MEGF11: variants seen among roughly 807,000 people sequenced by gnomAD.
MEGF11 encodes the protein multiple epidermal growth factor-like domains protein 11.
Under a neutral mutation model 146.6 loss-of-function variants are expected in MEGF11, and 126 were observed. The ratio of observed to expected loss-of-function variants is 0.86; its 90% CI spans 0.74 to 1.00. The LOEUF (loss-of-function observed/expected upper bound fraction) is 1.00, where lower values mean the gene tolerates loss of function less well. Ranked by LOEUF, MEGF11 falls within the 50% of genes least tolerant of loss-of-function variation. The pLI is 0.00. For synonymous variants in MEGF11, 532 were observed against 583.4 expected (o/e 0.91, Z 1.27); for missense variants, 1,509 against 1,521.2 (o/e 0.99, Z 0.13).
chr15:66,136,944 G>A (rs961221995), intron 1 of MEGF11, among the ~76,000 whole-genome samples: 12 of 152,090 alleles, frequency 7.9e-5, no homozygotes, highest in Admixed American at 2.0e-4. Context: ...GAGGTGGGAG[G>A]ATCACTTGAG....
At chr15:65,996,952 G>A (rs1456530152) in intron 5 of MEGF11, among the ~76,000 whole-genome samples, 4 of 152,232 alleles carry the variant, frequency 2.6e-5, no homozygotes, top group Non-Finnish European at 5.9e-5. Context: ...TCTCCATGGC[G>A]CCACTTCCCC....
rs549906122 is a variant in MEGF11, at chr15:65,982,500, G to T, written c.395-12C>A. On this transcript the variant is annotated splice_polypyrimidine_tract_variant and intron_variant, in intron 5 of 25. Transcript: ENST00000395614. The surrounding 1 kb of genome is among the most constrained non-coding windows in gnomAD (Gnocchi z 5.6). ...GTCGCTGTCGCAGCCTGCAAGAGAC[G>T]GGACAGTCAGGGATCAGGAGCCCCG... 2.7e-6 allele frequency: 4 copies of T among 1,466,002 alleles called. No homozygotes were observed. In the East Asian group the frequency reaches 7.5e-5, roughly 27 times the overall value. 90.8% of individuals were successfully genotyped at this position (1,466,002 alleles called of 1,614,324 possible).
At chr15:66,008,653 A>G (rs1056420326) in intron 5 of MEGF11, among the ~76,000 whole-genome samples, 1 of 151,878 alleles carries the variant, frequency 6.6e-6, no homozygotes, top group South Asian at 2.1e-4. Flanking sequence ...GTGAGGCCCT[A>G]TCTCTACAAA....
chr15:65,931,089 G>A, intron 10 of MEGF11, 146 bp from the exon 11 acceptor site: 1 of 1,066,940 alleles, frequency 9.4e-7, no homozygotes, highest in Non-Finnish European at 1.3e-6. Context: ...ATGGCAAAAA[G>A]GGACTTTGCA....
chr15:65,898,525 A>G (rs931574718), intron 25 of MEGF11: 3 of 985,130 alleles, frequency 3.0e-6, no homozygotes, highest in African/African-American at 3.5e-5. Flanking sequence ...GGTGTTTTTT[A>G]AAGCAGAGTT....
In MEGF11 at chr15:65,898,813, T is replaced by C; in HGVS notation, c.3177A>G (p.Val1059=). ...CCATGTGCACAGGCGACTTCATTTC[T>C]ACATAGCTGCTTTCTGGAAGCTTGC... ...LTCKLPESSY[V]EMKSPVHMGS... Residue 1059 remains valine (V), a synonymous_variant, in exon 25 of 26, where the codon GTA becomes GTG. Coordinates refer to ENST00000395614, the MANE Select transcript of MEGF11 (RefSeq NM_001385028.1). 5.0e-6 allele frequency: 8 copies of C among 1,614,044 alleles called. No individual in the cohort carries two copies. The highest frequency in any genetic ancestry group is 5.9e-6 in the Non-Finnish European group (7 of 1,179,872).
intron 10 of MEGF11, among the ~76,000 whole-genome samples, chr15:65,947,062 G>GT (rs542206572): frequency 5.8e-4 from 88 of 152,194 alleles, no homozygotes; most frequent in African/African-American, 1.7e-3. Flanking sequence ...TGTTTTTTCT[G>GT]TTTTTTGCAT....
chr15:66,098,532 A>C (rs1343731890), intron 4 of MEGF11, among the ~76,000 whole-genome samples: 1 of 152,224 alleles, frequency 6.6e-6, no homozygotes, highest in Non-Finnish European at 1.5e-5. Flanking sequence ...CTAGCCTGAC[A>C]TTCAGCTAAG....
chr15:65,939,408 C>T (rs934338015), intron 10 of MEGF11, among the ~76,000 whole-genome samples: 6 of 151,972 alleles, frequency 3.9e-5, no homozygotes, highest in Non-Finnish European at 7.4e-5. Context: ...GCATCTATGA[C>T]AAGCAAGGCA....
At chr15:66,034,168 C>G (rs546599929) in intron 5 of MEGF11, among the ~76,000 whole-genome samples, 41 of 152,178 alleles carry the variant, frequency 2.7e-4, no homozygotes, top group Middle Eastern at 3.2e-3. Context: ...CCTGTCCCAC[C>G]ATTGCATTTT....
chr15:66,031,184 T>G (rs144550760), intron 5 of MEGF11, among the ~76,000 whole-genome samples: 66 of 152,276 alleles, frequency 4.3e-4, no homozygotes, highest in African/African-American at 1.6e-3. Context: ...CAAGTAAAGG[T>G]CCCTTCACTT....
chr15:66,233,951 CTTTT>C (rs57240560), intron 1 of MEGF11, among the ~76,000 whole-genome samples: 3 of 119,926 alleles, frequency 2.5e-5, no homozygotes, highest in Non-Finnish European at 3.3e-5. Context: ...TTTTCTTTTT[CTTTT>C]TTTTTTTTTT....
At chr15:65,905,040 G>A (rs183737475) in intron 24 of MEGF11, among the ~76,000 whole-genome samples, 87 of 152,276 alleles carry the variant, frequency 5.7e-4, no homozygotes, top group Admixed American at 4.4e-3. Context: ...TTACAGGTGT[G>A]TGCCACCATG....
At chr15:65,952,721 C>T (rs1484444623) in intron 10 of MEGF11, among the ~76,000 whole-genome samples, 1 of 152,182 alleles carries the variant, frequency 6.6e-6, no homozygotes, top group East Asian at 1.9e-4. Context: ...TTCCGATGGG[C>T]AGGGAATTTC....
intron 1 of MEGF11, among the ~76,000 whole-genome samples, chr15:66,252,583 G>A (rs1209985331): frequency 6.6e-6 from 1 of 152,180 alleles, no homozygotes; most frequent in East Asian, 1.9e-4. Flanking sequence ...AAGCCGCCCG[G>A]GCTCGGGGGC....
intron 2 of MEGF11, among the ~76,000 whole-genome samples, chr15:66,127,347 G>C (rs1240581430): frequency 6.6e-6 from 1 of 152,202 alleles, no homozygotes; most frequent in Non-Finnish European, 1.5e-5. Context: ...TGCAGGCACT[G>C]TCCCTCTGCC....
chr15:66,215,539 CAAAT>C (rs1450988066), intron 1 of MEGF11, among the ~76,000 whole-genome samples: 4 of 152,102 alleles, frequency 2.6e-5, no homozygotes, highest in Non-Finnish European at 4.4e-5. Flanking sequence ...ATCATACAGA[CAAAT>C]AAAGTGTGAA....
chr15:66,165,108 C>A (rs2090062421), intron 1 of MEGF11, among the ~76,000 whole-genome samples: 1 of 152,190 alleles, frequency 6.6e-6, no homozygotes, highest in South Asian at 2.1e-4. Flanking sequence ...CAGTATTTTC[C>A]AAAAGTTCAC....
chr15:65,899,541 CAGA>C (rs779797930), intron 24 of MEGF11, among the ~76,000 whole-genome samples: 5 of 152,138 alleles, frequency 3.3e-5, no homozygotes, highest in Non-Finnish European at 5.9e-5. Flanking sequence ...AGCTTAGGTT[CAGA>C]AGAAGTAGGC....
Sources: allele counts gnomAD v4.1 joint callset (sites outside exome capture counted in the v4.1 genomes callset), GRCh38; gene constraint gnomAD v4.1.1; non-coding constraint Gnocchi (gnomAD v3.1); transcripts MANE v1.5; gene names NCBI Gene and HGNC (gene_info 2026-07-23, HGNC 2026-07-21).